Variants in SULT4A1 observed in about 807,000 individuals in gnomAD.
SULT4A1 encodes sulfotransferase family 4A member 1.
Under a neutral mutation model 35.2 loss-of-function variants are expected in SULT4A1, and 11 were observed. The ratio of observed to expected loss-of-function variants is 0.31; its 90% CI spans 0.20 to 0.52. The LOEUF is 0.52. SULT4A1 is among the 20% of genes least tolerant of loss of function. SULT4A1 has a pLI of 0.97. For missense variants in SULT4A1, 271 were observed against 383.7 expected (o/e 0.71, Z 2.45); for synonymous variants, 152 against 151.8 (o/e 1.00, Z -0.01).
rs544727258 is a variant in SULT4A1 at position 43,826,120 on chromosome 22, C to T, written c.743-7G>A. 4.2e-5 allele frequency: 68 copies of T among 1,613,722 alleles called. No individual in the cohort carries two copies. Among genetic ancestry groups the T allele is most frequent in the Admixed American group, 1.8e-4 (11 of 59,920 alleles). On this transcript the variant is annotated splice_polypyrimidine_tract_variant and splice_region_variant and intron_variant, in intron 6 of 6. Coordinates refer to ENST00000330884, the MANE Select transcript of SULT4A1 (RefSeq NM_014351.4). ...TTCCACAGCCCAACTCTTCCTGAAA[C>T]GCAAACAAGAGAACTGCTGGGGCCA...
At chr22:43,850,847 C>G (rs1271379260) in intron 1 of SULT4A1, among the ~76,000 whole-genome samples, 1 of 152,050 alleles carries the variant, frequency 6.6e-6, no homozygotes, top group Non-Finnish European at 1.5e-5. Flanking sequence ...TGTCTTCTCA[C>G]TGCCGATGGT....
intron 2 of SULT4A1, among the ~76,000 whole-genome samples, chr22:43,841,134 G>A (rs2063424536): frequency 6.6e-6 from 1 of 152,278 alleles, no homozygotes; most frequent in South Asian, 2.1e-4. Flanking sequence ...GCACGGACAA[G>A]GAGAGCAAAA....
In SULT4A1 at chr22:43,862,241, C is replaced by A. The variant is rs752032171; in HGVS notation, c.142G>T (p.Val48Leu). 1 of 1,564,790 alleles carries A rather than the reference C, an allele frequency of 6.4e-7. No homozygotes were observed. Among genetic ancestry groups the A allele is most frequent in the Admixed American group, 1.8e-5 (1 of 55,526 alleles). ...GACTTGGGGTAGGTGACGATCCACA[C>A]GTCGCTGGGCCGCACCGGGAAGTTG... is the stretch of plus-strand genomic sequence containing the variant. Reference protein sequence around the residue: ...IANFPVRPSDVWIVTYPKSGT... With the variant: ...IANFPVRPSDLWIVTYPKSGT... The change falls in exon 1 of 7, where the codon GTG (valine) becomes TTG (leucine). Residue 48 changes from valine (V) to leucine (L), a missense_variant. Transcript: ENST00000330884.
chr22:43,835,423 G>A (rs963611385), intron 4 of SULT4A1, among the ~76,000 whole-genome samples: 4 of 152,232 alleles, frequency 2.6e-5, no homozygotes, highest in Admixed American at 2.0e-4. Flanking sequence ...CAGCCCAGCT[G>A]GATGAGGAGC....
intron 1 of SULT4A1, among the ~76,000 whole-genome samples, chr22:43,857,926 T>C (rs192044566): frequency 1.6e-3 from 241 of 151,664 alleles, no homozygotes; most frequent in Non-Finnish European, 2.7e-3. Context: ...GGCGCACACC[T>C]GCAGTCCTAG....
At chr22:43,857,881 C>G in intron 1 of SULT4A1, among the ~76,000 whole-genome samples, 1 of 151,208 alleles carries the variant, frequency 6.6e-6, no homozygotes, top group Non-Finnish European at 1.5e-5. Flanking sequence ...GAGACCCTAT[C>G]TCTACAAAAA....
chr22:43,857,677 G>A (rs1321252531), intron 1 of SULT4A1, among the ~76,000 whole-genome samples: 7 of 152,088 alleles, frequency 4.6e-5, no homozygotes, highest in Admixed American at 2.6e-4. Flanking sequence ...AAGACAAAGA[G>A]AAAACATTGA....
At position 43,842,524 on chromosome 22, in the gene SULT4A1, G is replaced by C. The variant is rs537017309; in HGVS notation, c.170-592C>G. ...TGAGTAAGTTGTGACAGTCACCATGGTGTACTACACAGCAACAAAAAAGAA... is the reference window on the plus strand; with the variant it reads ...TGAGTAAGTTGTGACAGTCACCATGCTGTACTACACAGCAACAAAAAAGAA... On this transcript the variant is annotated intron_variant, in intron 1 of 6. Coordinates refer to ENST00000330884, the MANE Select transcript of SULT4A1 (RefSeq NM_014351.4). Among the ~76,000 whole-genome samples the C allele has an allele frequency of 3.9e-5, 6 of 152,224 alleles. No homozygotes were observed. In the East Asian group the frequency reaches 1.2e-3, roughly 29 times the overall value.
chr22:43,828,973 G>C (rs2063306859), intron 6 of SULT4A1, 87 bp downstream of exon 6: 1 of 1,395,860 alleles, frequency 7.2e-7, no homozygotes, highest in Non-Finnish European at 9.5e-7. Context: ...GGGCAACAGG[G>C]ACCGGACTCG....
In SULT4A1 at chr22:43,825,679, A is replaced by C. The variant is rs2063281875; in HGVS notation, c.*322T>G. ...GTAGATTTCCAGTGAAAAGCTCTAT[A>C]AAATACAATAATACGGGGTTGAAAA... On this transcript the variant is annotated 3_prime_UTR_variant, in exon 7 of 7. Coordinates refer to ENST00000330884, the MANE Select transcript of SULT4A1 (RefSeq NM_014351.4). 6 of 74,590 alleles carry C rather than the reference A, an allele frequency of 8.0e-5. No individual in the cohort carries two copies. Among genetic ancestry groups the C allele is most frequent in the Non-Finnish European group, 1.4e-4 (6 of 42,334 alleles). The allele number at this position is 74,590 out of a possible 1,614,324, so 4.6% of individuals were successfully genotyped here.
chr22:43,856,796 CG>C (rs758522205), intron 1 of SULT4A1, among the ~76,000 whole-genome samples: 1 of 152,144 alleles, frequency 6.6e-6, no homozygotes, highest in Non-Finnish European at 1.5e-5. Context: ...ACCAACGAGG[CG>C]GGGTTAACTC....
intron 1 of SULT4A1, among the ~76,000 whole-genome samples, chr22:43,857,842 G>T (rs2049419212): frequency 6.6e-6 from 1 of 151,060 alleles, no homozygotes; most frequent in African/African-American, 2.4e-5. Flanking sequence ...TTGAGCCCAT[G>T]AGTCCAAGAC....
intron 4 of SULT4A1, among the ~76,000 whole-genome samples, chr22:43,835,904 G>C (rs940376606): frequency 2.6e-5 from 4 of 152,222 alleles, no homozygotes; most frequent in African/African-American, 9.6e-5. Flanking sequence ...GAGGGGGGAC[G>C]GGAATGAGCT....
At chr22:43,838,503 C>T (rs2063395865) in intron 4 of SULT4A1, among the ~76,000 whole-genome samples, 3 of 152,274 alleles carry the variant, frequency 2.0e-5, no homozygotes, top group Admixed American at 1.3e-4. Context: ...ACTCCAGGCC[C>T]TATCACTAAC....
chr22:43,831,773 G>A (rs1007080203), intron 5 of SULT4A1, among the ~76,000 whole-genome samples: 26 of 152,360 alleles, frequency 1.7e-4, no homozygotes, highest in African/African-American at 5.8e-4. Flanking sequence ...ATGAAACCGC[G>A]GTGGCCTCTG....
chr22:43,847,597 T>G (rs2063484846), intron 1 of SULT4A1, among the ~76,000 whole-genome samples: 1 of 118,412 alleles, frequency 8.4e-6, no homozygotes, highest in Non-Finnish European at 1.7e-5. Context: ...CCCTCTTCTC[T>G]GGCCAGCCTC....
In SULT4A1 at chr22:43,829,166, T is replaced by A; in HGVS notation, c.636A>T (p.Arg212Ser). 6.4e-7 allele frequency: 1 copy of A among 1,566,108 alleles called. No individual in the cohort carries two copies. Among genetic ancestry groups the A allele is most frequent in the Non-Finnish European group, 8.7e-7 (1 of 1,155,524 alleles). ...DLVTMVEQLA[R>S]FLGVSCDKAQ... ...CCTTGTCACAGGACACCCCCAGGAA[T>A]CTGGCCAGCTGCTCCACCATCGTCA... Residue 212 changes from arginine to serine, a missense_variant, in exon 6 of 7, where the codon AGA becomes AGT. Arg to Ser is a moderately radical substitution (Grantham distance 110, BLOSUM62 -1). This residue lies in a region of SULT4A1 where 75 missense variants were observed against 67.7 expected (regional missense o/e 1.11). Coordinates refer to ENST00000330884, the MANE Select transcript of SULT4A1 (RefSeq NM_014351.4).
At chr22:43,828,961 G>C (rs2063306779) in intron 6 of SULT4A1, 99 bp downstream of exon 6, 3 of 1,318,934 alleles carry the variant, frequency 2.3e-6, no homozygotes, top group South Asian at 1.5e-5. Flanking sequence ...GGAGAGCAGG[G>C]AGGGCAACAG....
intron 6 of SULT4A1, chr22:43,827,645 A>G (rs745348441): frequency 1.7e-5 from 23 of 1,366,370 alleles, no homozygotes; most frequent in Non-Finnish European, 1.5e-5. Flanking sequence ...AATGTGCTAA[A>G]AGAAAACAAA....
Sources: gnomAD v4.1 joint callset for allele counts (sites outside exome capture counted in the v4.1 genomes callset) on GRCh38, gnomAD v4.1.1 for gene constraint, gnomAD v4.1.1 regional missense constraint, MANE v1.5 for transcripts, NCBI Gene and HGNC (gene_info 2026-07-23, HGNC 2026-07-21) for gene names.